The following EDIL3 variants were observed in gnomAD, a reference collection of about 807,000 sequenced individuals.
The protein encoded by EDIL3 is EGF-like repeat and discoidin I-like domain-containing protein 3.
EDIL3 carries 37 observed loss-of-function variants against 67.4 expected under a neutral mutation model. The observed-to-expected ratio is 0.55, with a 90% CI of 0.42 to 0.72. The LOEUF (loss-of-function observed/expected upper bound fraction) is 0.72, where lower values mean the gene tolerates loss of function less well. Among genes scored for constraint, EDIL3 ranks in the 30% least tolerant of loss-of-function variants. The pLI is 0.00. For missense variants in EDIL3, 527 were observed against 586.3 expected, an observed-to-expected ratio of 0.90 and a Z score of 1.04; for synonymous variants, 195 against 196.3, an observed-to-expected ratio of 0.99 and a Z score of 0.05.
At chr5:84,150,530 T>C (rs1329567868) in intron 4 of EDIL3, among the ~76,000 whole-genome samples, 1 of 152,146 alleles carries the variant, frequency 6.6e-6, no homozygotes. Flanking sequence ...AATAAACATA[T>C]ACAAAGATGT....
At position 84,189,457 on chromosome 5, in the gene EDIL3, T is replaced by C. The variant is rs567362032; in HGVS notation, c.227-8936A>G. 3.9e-5 allele frequency among the ~76,000 whole-genome samples: 6 copies of C among 152,122 alleles called. No individual in the cohort carries two copies. The South Asian group carries it at 1.2e-3, about 32-fold the overall frequency. Reference sequence around the variant, plus strand: ...ACAGGTAATCATTGTGGCACAGTAGTTGATGTCTCCTTTTCTTCAATAAAT... The same window carrying C: ...ACAGGTAATCATTGTGGCACAGTAGCTGATGTCTCCTTTTCTTCAATAAAT... On this transcript the variant is annotated intron_variant, in intron 3 of 10. Transcript: ENST00000296591.
rs1744226536 is a variant in EDIL3 at position 84,216,415 on chromosome 5, ACT to A, written c.226+13438_226+13439del. Among the ~76,000 whole-genome samples the A allele has an allele frequency of 2.0e-5, 3 of 152,164 alleles. No homozygotes were observed. The South Asian group carries it at 6.2e-4, about 31-fold the overall frequency. On this transcript the variant is annotated intron_variant, in intron 3 of 10. Transcript: ENST00000296591. ...ATATGCATAACAAAAAAGTTGAATA[ACT>A]CTATATGACTTTTACAATTCCAAAA...
In EDIL3 at chr5:84,088,641, A is replaced by T. The variant is rs1747112655; in HGVS notation, c.651+18008T>A. Among the ~76,000 whole-genome samples the T allele has an allele frequency of 2.0e-5, 3 of 152,224 alleles. No homozygotes were observed. In the South Asian group the frequency reaches 6.2e-4, roughly 31 times the overall value. The stretch of plus-strand genomic sequence containing the variant: ...TGAAAATACAGCCCATGTATTATGA[A>T]TTCAGAGAAATAAATGTTTCAAAGT... On this transcript the variant is annotated intron_variant, in intron 6 of 10. Coordinates refer to ENST00000296591, the MANE Select transcript of EDIL3 (RefSeq NM_005711.5).
At chr5:84,088,381 TTTG>T (rs1047301754) in intron 6 of EDIL3, among the ~76,000 whole-genome samples, 2 of 152,222 alleles carry the variant, frequency 1.3e-5, no homozygotes, top group Non-Finnish European at 2.9e-5. Flanking sequence ...GGGTTTTTTG[TTTG>T]TTGTTTGTTT....
chr5:84,160,310 C>T lies in EDIL3; in HGVS notation c.355+20083G>A, dbSNP rs148635563. Among the ~76,000 whole-genome samples the T allele has an allele frequency of 6.5e-4, 99 of 152,142 alleles. 1 individual carries two copies. The highest frequency in any genetic ancestry group is 2.3e-3 in the African/African-American group (96 of 41,518). The stretch of plus-strand genomic sequence containing the variant: ...CTCTTGAACTTTTCTGGGGTGTATA[C>T]ATCACAACATGGAAACAACTACTCT... On this transcript the variant is annotated intron_variant, in intron 4 of 10. Coordinates refer to ENST00000296591, the MANE Select transcript of EDIL3 (RefSeq NM_005711.5).
chr5:84,143,661 G>A (rs1748243929), intron 4 of EDIL3, among the ~76,000 whole-genome samples: 1 of 151,968 alleles, frequency 6.6e-6, no homozygotes. Flanking sequence ...GCTATTCCAA[G>A]GGATATAAAA....
chr5:84,129,637 T>C (rs1430682011), intron 5 of EDIL3, among the ~76,000 whole-genome samples: 3 of 152,092 alleles, frequency 2.0e-5, no homozygotes, highest in Non-Finnish European at 4.4e-5. Context: ...CAAAGTACCC[T>C]GTTCAAATTT....
Position 83,965,916 on chromosome 5 carries a change from A to G in EDIL3, c.1138-2556T>C, listed in dbSNP as rs1347927101. Among the ~76,000 whole-genome samples the G allele has an allele frequency of 5.9e-5, 9 of 152,168 alleles. No homozygotes were observed. The East Asian group carries it at 1.7e-3, about 30-fold the overall frequency. ...ACGAGGCCTAAGCAAACCTTCTTTC[A>G]GTACAAAAATAATCAGCAACTCACA... On this transcript the variant is annotated intron_variant, in intron 9 of 10. Coordinates refer to ENST00000296591, the MANE Select transcript of EDIL3 (RefSeq NM_005711.5).
At chr5:83,982,133 A>G (rs114553784) in intron 9 of EDIL3, among the ~76,000 whole-genome samples, 1,864 of 152,250 alleles carry the variant, frequency 0.012, 16 homozygotes, top group Middle Eastern at 0.041. Flanking sequence ...TCTTAAAACT[A>G]TGAATAACAG....
intron 9 of EDIL3, among the ~76,000 whole-genome samples, chr5:84,029,769 A>G (rs1745883352): frequency 6.6e-6 from 1 of 152,190 alleles, no homozygotes; most frequent in South Asian, 2.1e-4. Flanking sequence ...ACATCCTCAC[A>G]GGGCACTCTA....
At chr5:84,175,409 C>A (rs1404513905) in intron 4 of EDIL3, among the ~76,000 whole-genome samples, 1 of 152,110 alleles carries the variant, frequency 6.6e-6, no homozygotes, top group Non-Finnish European at 1.5e-5. Context: ...CCATAGCAAT[C>A]CCCATTATAT....
intron 3 of EDIL3, among the ~76,000 whole-genome samples, chr5:84,213,978 C>A (rs1049688999): frequency 1.3e-5 from 2 of 152,140 alleles, no homozygotes; most frequent in Non-Finnish European, 2.9e-5. Flanking sequence ...GATTTGCAGG[C>A]TTGCCCCTTC....
At chr5:84,134,679 A>G (rs1748057030) in intron 5 of EDIL3, among the ~76,000 whole-genome samples, 1 of 152,196 alleles carries the variant, frequency 6.6e-6, no homozygotes, top group African/African-American at 2.4e-5. Context: ...TAAGAAACCT[A>G]GACAATAGAC....
At chr5:84,319,876 T>C (rs893403140) in intron 1 of EDIL3, among the ~76,000 whole-genome samples, 5 of 151,922 alleles carry the variant, frequency 3.3e-5, no homozygotes, top group African/African-American at 1.2e-4. Flanking sequence ...CTGGAAACCA[T>C]CATTCTCAGC....
At chr5:84,326,552 T>C (rs977123240) in intron 1 of EDIL3, among the ~76,000 whole-genome samples, 1 of 151,988 alleles carries the variant, frequency 6.6e-6, no homozygotes, top group Non-Finnish European at 1.5e-5. Context: ...GGTATGTATA[T>C]TTTACCACAA....
chr5:84,062,285 A>G (rs1037265411), intron 8 of EDIL3, among the ~76,000 whole-genome samples: 1 of 152,078 alleles, frequency 6.6e-6, no homozygotes, highest in Admixed American at 6.6e-5. Context: ...CTACATTGAA[A>G]AATTCTGACT....
rs181706333 is a variant in EDIL3 at position 84,375,052 on chromosome 5, A to G, written c.67+9256T>C. Among the ~76,000 whole-genome samples the G allele has an allele frequency of 1.1e-4, 16 of 151,726 alleles. No individual in the cohort carries two copies. In the East Asian group the frequency reaches 3.1e-3, roughly 29 times the overall value. ...AATGGCATGATCTCGGCTCACTGCA[A>G]CTTCTGCCTCCCAGGTTCAAGCAAT... is the stretch of plus-strand genomic sequence containing the variant. On this transcript the variant is annotated intron_variant, in intron 1 of 10. Transcript: ENST00000296591.
chr5:84,198,410 A>C lies in EDIL3; in HGVS notation c.227-17889T>G, dbSNP rs536706365. Among the ~76,000 whole-genome samples, 6 of 152,196 alleles carry C rather than the reference A, an allele frequency of 3.9e-5. No homozygotes were observed. The South Asian group carries it at 1.2e-3, about 32-fold the overall frequency. The stretch of plus-strand genomic sequence containing the variant: ...TATTTTAAGAAACTTAATTAAATCT[A>C]GATCTGAAAAAAAAGTAGTGCTGTA... On this transcript the variant is annotated intron_variant, in intron 3 of 10. Transcript: ENST00000296591.
At chr5:84,073,314 C>T (rs1170990638) in intron 6 of EDIL3, among the ~76,000 whole-genome samples, 4 of 152,094 alleles carry the variant, frequency 2.6e-5, no homozygotes, top group Non-Finnish European at 4.4e-5. Context: ...TCTCACCACT[C>T]CTATTCAACA....
Sources: allele counts gnomAD v4.1 joint callset (sites outside exome capture counted in the v4.1 genomes callset), GRCh38; gene constraint gnomAD v4.1.1; transcripts MANE v1.5; gene names NCBI Gene and HGNC (gene_info 2026-07-23, HGNC 2026-07-21).